LRRTM4: variants seen among roughly 807,000 people sequenced by gnomAD.
LRRTM4 encodes leucine-rich repeat transmembrane neuronal protein 4.
In LRRTM4, 25 loss-of-function variants were observed where a neutral mutation model predicts 47.6. The observed-to-expected ratio is 0.53, with a 90% CI of 0.38 to 0.73. The LOEUF (loss-of-function observed/expected upper bound fraction) is 0.73, where lower values mean the gene tolerates loss of function less well. Among genes scored for constraint, LRRTM4 ranks in the 30% least tolerant of loss-of-function variants. The pLI, the probability that LRRTM4 is intolerant of heterozygous loss-of-function variation, is 0.00. For missense variants in LRRTM4, 638 were observed against 713.4 expected (o/e 0.89, Z 1.20); for synonymous variants, 311 against 269.5 (o/e 1.15, Z -1.51).
At chr2:77,163,140 G>A (rs1672779655) in intron 3 of LRRTM4, among the ~76,000 whole-genome samples, 1 of 152,152 alleles carries the variant, frequency 6.6e-6, no homozygotes, top group Admixed American at 6.5e-5. Flanking sequence ...TAAATAACCT[G>A]ATGGAGCTGA....
chr2:76,900,317 A>G (rs1178825749), intron 3 of LRRTM4, among the ~76,000 whole-genome samples: 1 of 147,100 alleles, frequency 6.8e-6, no homozygotes, highest in Non-Finnish European at 1.5e-5. Context: ...ACTGATATAT[A>G]TAGTTTTTTG....
At position 76,875,807 on chromosome 2, in the gene LRRTM4, C is replaced by T. The variant is rs142192102; in HGVS notation, c.1552-126891G>A. On this transcript the variant is annotated intron_variant, in intron 3 of 3. Coordinates refer to ENST00000409884, the MANE Select transcript of LRRTM4 (RefSeq NM_001134745.3). ...CAGATCTTGCTAGTCATTTCATATC[C>T]TCAATGAAAACTATTCTTTCAAAGG... 1.0e-3 allele frequency among the ~76,000 whole-genome samples: 159 copies of T among 152,156 alleles called. 1 individual carries two copies. Among genetic ancestry groups the T allele is most frequent in the Middle Eastern group, 0.01 (3 of 294 alleles).
At chr2:77,292,458 C>A (rs1676852635) in intron 3 of LRRTM4, among the ~76,000 whole-genome samples, 1 of 151,926 alleles carries the variant, frequency 6.6e-6, no homozygotes, top group African/African-American at 2.4e-5. Flanking sequence ...AAATGTCCAA[C>A]AATGATAGAC....
intron 3 of LRRTM4, among the ~76,000 whole-genome samples, chr2:77,175,953 C>T (rs1404403454): frequency 6.6e-6 from 1 of 151,842 alleles, no homozygotes; most frequent in East Asian, 1.9e-4. Context: ...GCCACTGCGC[C>T]CGCTACTCCC....
At chr2:77,512,675 A>G (rs1679065703) in intron 3 of LRRTM4, among the ~76,000 whole-genome samples, 2 of 152,120 alleles carry the variant, frequency 1.3e-5, no homozygotes, top group African/African-American at 4.8e-5. Flanking sequence ...CTAAAGCATA[A>G]AACTATCTCT....
chr2:76,829,911 G>T (rs549653498), intron 3 of LRRTM4, among the ~76,000 whole-genome samples: 1 of 152,128 alleles, frequency 6.6e-6, no homozygotes, highest in Non-Finnish European at 1.5e-5. Flanking sequence ...GGAGAGTGAA[G>T]AAACATGCAT....
chr2:77,013,508 A>T (rs75770253), intron 3 of LRRTM4, among the ~76,000 whole-genome samples: 18,743 of 72,072 alleles, frequency 0.26, 1,398 homozygotes, highest in East Asian at 0.36. Flanking sequence ...AACACTGTTA[A>T]AAAAAAAAAA....
intron 3 of LRRTM4, among the ~76,000 whole-genome samples, chr2:77,071,140 C>A (rs2103827443): frequency 6.6e-6 from 1 of 152,136 alleles, no homozygotes; most frequent in East Asian, 1.9e-4. Flanking sequence ...TTGAAATACA[C>A]ACCTTCAATG....
At chr2:76,853,089 A>C (rs1672045920) in intron 3 of LRRTM4, among the ~76,000 whole-genome samples, 1 of 152,260 alleles carries the variant, frequency 6.6e-6, no homozygotes, top group Non-Finnish European at 1.5e-5. Context: ...GCTATGCTGA[A>C]AAGTTTGGAC....
At chr2:77,347,302 G>C (rs1001144093) in intron 3 of LRRTM4, among the ~76,000 whole-genome samples, 3 of 152,100 alleles carry the variant, frequency 2.0e-5, no homozygotes, top group Admixed American at 1.3e-4. Flanking sequence ...CTCTGCCTTT[G>C]TAAGTAGCAC....
At chr2:76,905,801 GA>G (rs1158143266) in intron 3 of LRRTM4, among the ~76,000 whole-genome samples, 2 of 151,544 alleles carry the variant, frequency 1.3e-5, no homozygotes, top group African/African-American at 4.8e-5. Context: ...AGAGAAAAAA[GA>G]AAAAAAAGAA....
chr2:76,859,218 T>A (rs1477027311), intron 3 of LRRTM4, among the ~76,000 whole-genome samples: 1 of 152,124 alleles, frequency 6.6e-6, no homozygotes, highest in Non-Finnish European at 1.5e-5. Context: ...GGTGTTGGAG[T>A]AGGAAAGACT....
In LRRTM4 at chr2:77,179,737, A is replaced by G. The variant is rs147662319; in HGVS notation, c.1551+338581T>C. ...CAACTTGTTTTATTACTAAGACAAGACTGATTTCTTATCAGCATAATCACC... is the reference window on the plus strand; with the variant it reads ...CAACTTGTTTTATTACTAAGACAAGGCTGATTTCTTATCAGCATAATCACC... On this transcript the variant is annotated intron_variant, in intron 3 of 3. Coordinates refer to ENST00000409884, the MANE Select transcript of LRRTM4 (RefSeq NM_001134745.3). 3.5e-3 allele frequency among the ~76,000 whole-genome samples: 529 copies of G among 152,278 alleles called. 1 individual carries two copies. Among genetic ancestry groups the G allele is most frequent in the African/African-American group, 0.012 (494 of 41,576 alleles).
chr2:77,447,357 T>A (rs1190950121), intron 3 of LRRTM4, among the ~76,000 whole-genome samples: 1 of 152,120 alleles, frequency 6.6e-6, no homozygotes, highest in African/African-American at 2.4e-5. Context: ...TAAATATATT[T>A]GCTCATGTGC....
chr2:77,423,198 T>G (rs1472958698), intron 3 of LRRTM4, among the ~76,000 whole-genome samples: 1 of 152,172 alleles, frequency 6.6e-6, no homozygotes, highest in Non-Finnish European at 1.5e-5. Context: ...TACTTACCAT[T>G]TAAGTTTTTT....
At chr2:77,431,664 T>G (rs1675380876) in intron 3 of LRRTM4, among the ~76,000 whole-genome samples, 1 of 149,282 alleles carries the variant, frequency 6.7e-6, no homozygotes, top group Non-Finnish European at 1.5e-5. Flanking sequence ...TGAGGCCAGT[T>G]GCTTTCTAGC....
chr2:77,223,751 G>T (rs1423913399), intron 3 of LRRTM4, among the ~76,000 whole-genome samples: 4 of 152,144 alleles, frequency 2.6e-5, no homozygotes, highest in African/African-American at 9.7e-5. Flanking sequence ...TCATGGGTAG[G>T]AAGAATCAAT....
intron 3 of LRRTM4, among the ~76,000 whole-genome samples, chr2:76,996,845 G>A (rs1292027615): frequency 6.6e-6 from 1 of 152,230 alleles, no homozygotes; most frequent in South Asian, 2.1e-4. Flanking sequence ...TGGCCTGAGA[G>A]TCATACCTAT....
intron 3 of LRRTM4, among the ~76,000 whole-genome samples, chr2:76,982,585 A>G (rs901469610): frequency 6.6e-6 from 1 of 152,002 alleles, no homozygotes; most frequent in African/African-American, 2.4e-5. Context: ...GAGTCACCAG[A>G]CTGGGTGGTA....
Sources: allele counts gnomAD v4.1 joint callset (sites outside exome capture counted in the v4.1 genomes callset), GRCh38; gene constraint gnomAD v4.1.1; transcripts MANE v1.5; gene names NCBI Gene and HGNC (gene_info 2026-07-23, HGNC 2026-07-21).